NOL6: variants seen among roughly 807,000 people sequenced by gnomAD.
NOL6 encodes the protein nucleolar RNA-associated protein.
A neutral mutation model predicts 131.7 loss-of-function variants in NOL6; 33 were observed. The observed-to-expected ratio is 0.25, with a 90% CI of 0.19 to 0.33. The LOEUF (loss-of-function observed/expected upper bound fraction) is 0.33, where lower values mean the gene tolerates loss of function less well. Ranked by LOEUF, NOL6 falls within the 10% of genes least tolerant of loss-of-function variation. The probability of loss-of-function intolerance (pLI) is 1.00; values close to 1 mark genes in which losing one functional copy is unlikely to be tolerated. For synonymous variants in NOL6, 580 were observed against 605.7 expected, an observed-to-expected ratio of 0.96 and a Z score of 0.62; for missense variants, 1,297 against 1,494.5, an observed-to-expected ratio of 0.87 and a Z score of 2.18.
At chr9:33,471,776 CA>C (rs1827417034) in intron 3 of NOL6, among the ~76,000 whole-genome samples, 1 of 152,234 alleles carries the variant, frequency 6.6e-6, no homozygotes, top group African/African-American at 2.4e-5. Flanking sequence ...AGCATTACAG[CA>C]TAGGCTATTA....
chr9:33,471,902 T>C (rs1303682095), intron 3 of NOL6, 102 bp downstream of exon 3: 5 of 854,412 alleles, frequency 5.9e-6, no homozygotes, highest in Admixed American at 3.6e-5. Context: ...ATGAGCTCCC[T>C]GCACCCCAAC....
intron 5 of NOL6, 72 bp from the exon 6 acceptor site, chr9:33,469,413 C>G (rs183340011): frequency 7.3e-5 from 117 of 1,608,332 alleles, no homozygotes; most frequent in Admixed American, 1.2e-4. Context: ...CCTGTCCCCC[C>G]ATACTTGAGG....
In NOL6 at chr9:33,469,304, C is replaced by T. The variant is rs1285708999; in HGVS notation, c.765G>A (p.Pro255=). 5.0e-6 allele frequency: 8 copies of T among 1,614,144 alleles called. No individual in the cohort carries two copies. Among genetic ancestry groups the T allele is most frequent in the South Asian group, 1.1e-5 (1 of 91,080 alleles). The change falls in exon 6 of 26, where the codon CCG becomes CCA. Residue 255 remains proline (P), a synonymous_variant. Transcript: ENST00000297990. ...GGCGGAAGAAGTCAGGTGGAGGGCA[C>T]GGATGCAGACGTACAGTGACCAGGC... The part of the protein sequence containing the change: ...DERLVTVRLH[P]CPPPDFFRPC...
rs566401587 is a variant in NOL6, at chr9:33,470,183, G to C, written c.387C>G (p.Asp129Glu). The C allele has an allele frequency of 5.1e-6, 8 of 1,581,042 alleles. No individual in the cohort carries two copies. The African/African-American group carries it at 1.1e-4, about 21-fold the overall frequency. The change falls in exon 4 of 26, where the codon GAC (aspartate) becomes GAG (glutamate). Residue 129 changes from aspartate to glutamate, a missense_variant. By Grantham distance (45) the Asp-to-Glu change is conservative. Transcript: ENST00000297990. ...GAACCCCAGCTGGGAGCCATGCCTG[G>C]TCAGTGAGCTGTGGGGGCAGAGACA... ...VPSVPETELTDQAWLPAGVRV... is the reference protein window; with the variant it reads ...VPSVPETELTEQAWLPAGVRV...
chr9:33,462,971 T>G (rs781642992), intron 25 of NOL6, 62 bp downstream of exon 25: 3 of 1,548,844 alleles, frequency 1.9e-6, no homozygotes, highest in Non-Finnish European at 2.7e-6. Flanking sequence ...CACACAGACA[T>G]GCATGCCCAC....
chr9:33,465,940 G>T, intron 18 of NOL6, 43 bp from the exon 19 acceptor site: 1 of 1,599,838 alleles, frequency 6.3e-7, no homozygotes, highest in South Asian at 1.1e-5. Flanking sequence ...TGTCAGCCCA[G>T]AACCCCGGGA....
intron 21 of NOL6, 106 bp from the exon 22 acceptor site, chr9:33,464,267 T>C: frequency 7.7e-7 from 1 of 1,301,942 alleles, no homozygotes. Context: ...ATCACAGGTA[T>C]TTTTCAACAC....
Position 33,461,767 on chromosome 9 carries a change from G to T in NOL6, c.*897C>A, listed in dbSNP as rs1827099726. 5.5e-6 allele frequency: 1 copy of T among 182,248 alleles called. No homozygotes were observed. Among genetic ancestry groups the T allele is most frequent in the South Asian group, 1.5e-4 (1 of 6,808 alleles). The allele number at this position is 182,248 out of a possible 1,614,324, so 11.3% of individuals were successfully genotyped here. On this transcript the variant is annotated 3_prime_UTR_variant, in exon 26 of 26. Transcript: ENST00000297990. ...TATTTGAGCTGAGTCTGGAAAAACA[G>T]CCAGAATTACAGGAAGCAGAGAGGC...
rs1827265955 is a variant in NOL6, at chr9:33,467,029, T to C, written c.1875-42A>G. ...GACACAGTGAGAAAATTTGGGGCTATGTTCTCGCTCAACTGCCTGGGCCAG... is the reference window on the plus strand; with the variant it reads ...GACACAGTGAGAAAATTTGGGGCTACGTTCTCGCTCAACTGCCTGGGCCAG... On this transcript the variant is annotated intron_variant, in intron 14 of 25. Transcript: ENST00000297990. The surrounding 1 kb of genome is among the most constrained non-coding windows in gnomAD (Gnocchi z 4.4). 1.2e-6 allele frequency: 2 copies of C among 1,613,852 alleles called. No individual in the cohort carries two copies. The highest frequency in any genetic ancestry group is 4.5e-5 in the East Asian group (2 of 44,870).
chr9:33,463,981 CCTG>C, intron 22 of NOL6, 53 bp downstream of exon 22: 1 of 1,612,988 alleles, frequency 6.2e-7, no homozygotes. Context: ...TCAGGCTGGG[CCTG>C]CTTTTTCCTT....
chr9:33,470,157 C>T lies in NOL6; in HGVS notation c.413G>A (p.Arg138Gln), dbSNP rs372394187. ...TDQAWLPAGVRVPLHQVPYAV... is the reference protein window; with the variant it reads ...TDQAWLPAGVQVPLHQVPYAV... ...ATAGGGCACTTGGTGGAGGGGCACT[C>T]GAACCCCAGCTGGGAGCCATGCCTG... Residue 138 changes from arginine to glutamine, a missense_variant, in exon 4 of 26, where the codon CGA (arginine) becomes CAA (glutamine). Physicochemically the swap from Arg to Gln is conservative, Grantham distance 43 (BLOSUM62 1). Transcript: ENST00000297990. 5.0e-6 allele frequency: 8 copies of T among 1,599,674 alleles called. No homozygotes were observed. Among genetic ancestry groups the T allele is most frequent in the East Asian group, 2.3e-5 (1 of 44,378 alleles).
chr9:33,465,949 G>C lies in NOL6; in HGVS notation c.2365-52C>G, dbSNP rs762815774. On this transcript the variant is annotated intron_variant, in intron 18 of 25. Transcript: ENST00000297990. ...AGGATGTGTCAGCCCAGAACCCCGG[G>C]AGTACTCTGTGGCCTACAGCCCTAT... 18 of 1,593,946 alleles carry C rather than the reference G, an allele frequency of 1.1e-5. No homozygotes were observed. In the African/African-American group the frequency reaches 2.3e-4, roughly 20 times the overall value.
At chr9:33,465,593 G>A (rs867212359) in intron 19 of NOL6, 141 bp downstream of exon 19, 17 of 1,087,736 alleles carry the variant, frequency 1.6e-5, no homozygotes, top group Middle Eastern at 2.7e-4. Context: ...GCAGAGCCAG[G>A]ATTCCAGAAC....
chr9:33,467,731 C>T lies in NOL6; in HGVS notation c.1562G>A (p.Arg521Gln), dbSNP rs61995751. 29,163 of 1,589,190 alleles carry T rather than the reference C, an allele frequency of 0.018. 302 individuals carry two copies. The highest frequency in any genetic ancestry group is 0.021 in the Non-Finnish European group (24,912 of 1,169,424). The change falls in exon 12 of 26, where the codon CGG (arginine) becomes CAG (glutamine). Residue 521 changes from arginine (R) to glutamine (Q), a missense_variant. By Grantham distance (43) the Arg-to-Gln change is conservative. Transcript: ENST00000297990. The surrounding 1 kb of genome is among the most constrained non-coding windows in gnomAD (Gnocchi z 4.4). The stretch of plus-strand genomic sequence containing the variant: ...TCGAGAGTGAGCCAGCAGGTTCAGC[C>T]GAGCCCCCAGGCCCTGCTCCAGGAG... ...TTLLEQGLGA[R>Q]LNLLAHSRPP...
chr9:33,472,547 A>G (rs1827442429), intron 1 of NOL6, 135 bp from the exon 2 acceptor site: 3 of 707,746 alleles, frequency 4.2e-6, no homozygotes, highest in Non-Finnish European at 7.2e-6. Context: ...CAGATTTTGT[A>G]AAACTCAGGA....
At position 33,468,408 on chromosome 9, in the gene NOL6, G is replaced by A; in HGVS notation, c.1221C>T (p.Asp407=). 1 of 1,614,168 alleles carries A rather than the reference G, an allele frequency of 6.2e-7. No homozygotes were observed. Among genetic ancestry groups the A allele is most frequent in the Middle Eastern group, 1.6e-4 (1 of 6,062 alleles). ...SSDPSLPALA[D]FHQAFSVVFL... Reference sequence around the variant, plus strand: ...AGACAACGGAGAAGGCCTGGTGGAAGTCAGCCAGGGCCGGCTTGGGGGGTG... The same window carrying A: ...AGACAACGGAGAAGGCCTGGTGGAAATCAGCCAGGGCCGGCTTGGGGGGTG... Residue 407 remains aspartate (D), a synonymous_variant, in exon 10 of 26, where the codon GAC becomes GAT. Transcript: ENST00000297990.
intron 19 of NOL6, 127 bp from the exon 20 acceptor site, chr9:33,465,486 C>T (rs540860974): frequency 1.6e-6 from 2 of 1,222,564 alleles, no homozygotes; most frequent in Admixed American, 2.8e-5. Context: ...TTAAGAAATG[C>T]ACCAAGAAGT....
intron 5 of NOL6, 70 bp downstream of exon 5, chr9:33,469,429 G>A (rs10813983): frequency 0.26 from 414,045 of 1,598,812 alleles, 54,824 homozygotes; most frequent in East Asian, 0.28. Flanking sequence ...TGAGGCCTCC[G>A]TGCCTCTGTG....
rs757280730 is a variant in NOL6 at position 33,467,849 on chromosome 9, G to C, written c.1444C>G (p.Leu482Val). 1 of 1,593,952 alleles carries C rather than the reference G, an allele frequency of 6.3e-7. No individual in the cohort carries two copies. Among genetic ancestry groups the C allele is most frequent in the Non-Finnish European group, 8.6e-7 (1 of 1,169,552 alleles). Residue 482 changes from leucine to valine, a missense_variant, in exon 12 of 26, where the codon CTG (leucine) becomes GTG (valine). By Grantham distance (32) the Leu-to-Val change is conservative. Transcript: ENST00000297990. This position sits in a 1 kb window ranked among gnomAD's most constrained non-coding sequence, Gnocchi z 4.4. ...TTCAGCCGGTGGCACGCTGCCTGCA[G>C]GCGACTCAGTGGACGGAGACTGGAG... ...HVLHLRPLSR[L>V]QAACHRLKLW...
Sources: gnomAD v4.1 joint callset for allele counts (sites outside exome capture counted in the v4.1 genomes callset) on GRCh38, gnomAD v4.1.1 for gene constraint, Gnocchi (gnomAD v3.1) non-coding constraint, MANE v1.5 for transcripts, NCBI Gene and HGNC (gene_info 2026-07-23, HGNC 2026-07-21) for gene names.